The following NCKAP5 variants were observed in gnomAD, a reference collection of about 807,000 sequenced individuals.
NCKAP5 encodes nck-associated protein 5.
In NCKAP5, 92 loss-of-function variants were observed where a neutral mutation model predicts 167.0. The ratio of observed to expected loss-of-function variants is 0.55; its 90% CI spans 0.47 to 0.66. NCKAP5 has a LOEUF of 0.66. NCKAP5 is among the 30% of genes least tolerant of loss of function. The pLI is 0.00. For missense variants in NCKAP5, 2,378 were observed against 2,315.0 expected (o/e 1.03, Z -0.56); for synonymous variants, 891 against 877.4 (o/e 1.02, Z -0.27).
rs1420000532 is a variant in NCKAP5, at chr2:132,672,638, A to G, written c.*651T>C. 1 of 152,640 alleles carries G rather than the reference A, an allele frequency of 6.6e-6. No individual in the cohort carries two copies. Among genetic ancestry groups the G allele is most frequent in the African/African-American group, 2.4e-5 (1 of 41,446 alleles). 9.5% of individuals were successfully genotyped at this position (152,640 alleles called of 1,614,324 possible). A position where few individuals can be genotyped will look rare whatever the true frequency, so the allele number is the denominator to read the frequency against. On this transcript the variant is annotated 3_prime_UTR_variant, in exon 20 of 20. Transcript: ENST00000409261. ...TCAGTTGGGATTTTAAAAAATATAT[A>G]TTATCATCAACTTCTAAGACTTAGT...
At chr2:133,124,035 G>A (rs1448553468) in intron 6 of NCKAP5, among the ~76,000 whole-genome samples, 1 of 152,168 alleles carries the variant, frequency 6.6e-6, no homozygotes, top group African/African-American at 2.4e-5. Context: ...CTCCATTTAC[G>A]ACTCCTTGAA....
the NCKAP5 span, among the ~76,000 whole-genome samples, chr2:133,603,379 C>T: frequency 1.3e-5 from 2 of 151,906 alleles, no homozygotes; most frequent in Non-Finnish European, 2.9e-5. Context: ...GCATGCACCA[C>T]CACACCCAGC....
At chr2:132,857,264 G>T (rs1256992379) in intron 11 of NCKAP5, among the ~76,000 whole-genome samples, 1 of 152,040 alleles carries the variant, frequency 6.6e-6, no homozygotes, top group East Asian at 1.9e-4. Context: ...GGAACTTAAA[G>T]GCATTTGAGG....
chr2:133,498,055 G>A (rs1682094206), intron 3 of NCKAP5, among the ~76,000 whole-genome samples: 1 of 152,154 alleles, frequency 6.6e-6, no homozygotes, highest in African/African-American at 2.4e-5. Flanking sequence ...GCTTCTCATA[G>A]GGACCAAGCC....
intron 5 of NCKAP5, among the ~76,000 whole-genome samples, chr2:133,162,172 G>A (rs1185416045): frequency 1.3e-5 from 2 of 152,188 alleles, no homozygotes; most frequent in Non-Finnish European, 1.5e-5. Flanking sequence ...GAAAAAGGAT[G>A]TTCTACATAA....
At chr2:133,614,158 C>T in the NCKAP5 span, among the ~76,000 whole-genome samples, 1 of 152,092 alleles carries the variant, frequency 6.6e-6, no homozygotes, top group East Asian at 1.9e-4. Context: ...CCCTGAGATA[C>T]CAAAAAACTG....
chr2:133,093,354 T>C (rs1220889013), intron 6 of NCKAP5, among the ~76,000 whole-genome samples: 1 of 152,220 alleles, frequency 6.6e-6, no homozygotes. Context: ...TATCTTTAGA[T>C]GCAAAAAGTC....
intron 4 of NCKAP5, among the ~76,000 whole-genome samples, chr2:133,243,700 A>G (rs1458150517): frequency 6.6e-6 from 1 of 152,262 alleles, no homozygotes; most frequent in Non-Finnish European, 1.5e-5. Context: ...AAATTAGAAT[A>G]CACATGAATG....
chr2:133,521,915 G>A (rs1019383631), intron 2 of NCKAP5, among the ~76,000 whole-genome samples: 1 of 152,172 alleles, frequency 6.6e-6, no homozygotes, highest in Non-Finnish European at 1.5e-5. Flanking sequence ...AAACCTCCGA[G>A]TAGTGGGGCT....
intron 17 of NCKAP5, 51 bp downstream of exon 17, chr2:132,731,686 C>A: frequency 6.6e-7 from 1 of 1,508,324 alleles, no homozygotes; most frequent in South Asian, 1.3e-5. Context: ...AAAAGTTTCC[C>A]TTTTTTTTGT....
At chr2:132,986,886 T>A (rs950951802) in intron 7 of NCKAP5, among the ~76,000 whole-genome samples, 1 of 152,118 alleles carries the variant, frequency 6.6e-6, no homozygotes, top group Admixed American at 6.6e-5. Flanking sequence ...TGTTTGGAGT[T>A]CCAAACTTAT....
chr2:133,013,059 T>G (rs184310938), intron 6 of NCKAP5, among the ~76,000 whole-genome samples: 1 of 152,196 alleles, frequency 6.6e-6, no homozygotes, highest in Admixed American at 6.5e-5. Flanking sequence ...GTATAAAGCC[T>G]GGGAACTGCA....
intron 8 of NCKAP5, among the ~76,000 whole-genome samples, chr2:132,934,635 T>A (rs1004120947): frequency 1.3e-5 from 2 of 151,800 alleles, no homozygotes; most frequent in Non-Finnish European, 1.5e-5. Flanking sequence ...AAAATCAAAG[T>A]TAAAGAAAAA....
intron 9 of NCKAP5, among the ~76,000 whole-genome samples, chr2:132,873,595 G>C (rs140647476): frequency 6.6e-6 from 1 of 152,224 alleles, no homozygotes; most frequent in South Asian, 2.1e-4. Flanking sequence ...AAAGAAACTC[G>C]AAGAGGTAAA....
intron 5 of NCKAP5, among the ~76,000 whole-genome samples, chr2:133,204,656 T>C (rs1480585682): frequency 2.6e-5 from 4 of 152,174 alleles, no homozygotes; most frequent in East Asian, 1.9e-4. Flanking sequence ...AACATGTAAG[T>C]GGGATTGCTG....
At chr2:133,500,637 T>C (rs1682423175) in intron 3 of NCKAP5, among the ~76,000 whole-genome samples, 1 of 152,204 alleles carries the variant, frequency 6.6e-6, no homozygotes, top group Non-Finnish European at 1.5e-5. Context: ...GTTCAAACAT[T>C]AAAGTAGGAT....
chr2:133,380,170 C>A (rs1377380574), intron 3 of NCKAP5, among the ~76,000 whole-genome samples: 1 of 151,920 alleles, frequency 6.6e-6, no homozygotes, highest in Non-Finnish European at 1.5e-5. Context: ...AAGATTTATC[C>A]TAGTATAAGA....
chr2:133,319,154 C>T (rs969660632), intron 3 of NCKAP5, among the ~76,000 whole-genome samples: 2 of 149,586 alleles, frequency 1.3e-5, no homozygotes, highest in African/African-American at 2.5e-5. Context: ...CCCCTCCCCC[C>T]CCGCCCCCTT....
At chr2:133,361,252 G>A (rs747595116) in intron 3 of NCKAP5, among the ~76,000 whole-genome samples, 6 of 152,138 alleles carry the variant, frequency 3.9e-5, no homozygotes, top group East Asian at 3.9e-4. Context: ...GAATGTGAGC[G>A]CCTAAGTAGC....
Sources: allele counts gnomAD v4.1 joint callset (sites outside exome capture counted in the v4.1 genomes callset), GRCh38; gene constraint gnomAD v4.1.1; transcripts MANE v1.5; gene names NCBI Gene and HGNC (gene_info 2026-07-23, HGNC 2026-07-21).